Variants in PSCA observed in about 807,000 individuals in gnomAD.
PSCA encodes the protein prostate stem cell antigen.
In PSCA, 7 loss-of-function variants were observed where a neutral mutation model predicts 7.9. That is an observed-to-expected ratio of 0.89 (90% CI 0.51 to 1.67). The LOEUF is 1.67. PSCA is among the 40% of genes most tolerant of loss of function. The pLI, the probability that PSCA is intolerant of heterozygous loss-of-function variation, is 0.00. For synonymous variants in PSCA, 61 were observed against 68.3 expected (o/e 0.89, Z 0.53); for missense variants, 151 against 147.9 (o/e 1.02, Z -0.11).
chr8:142,671,176 G>A (rs967888925), intron 1 of PSCA, among the ~76,000 whole-genome samples: 5 of 152,196 alleles, frequency 3.3e-5, no homozygotes, highest in African/African-American at 9.7e-5. Flanking sequence ...AGGAGGGCAG[G>A]TGCCATATCA....
At position 142,680,560 on chromosome 8, in the gene PSCA, C is replaced by T. The variant is rs1554638200; in HGVS notation, c.22C>T (p.Pro8Ser). Residue 8 changes from proline (P) to serine (S), a missense_variant, in exon 1 of 3, where the codon CCA becomes TCA. Pro to Ser is a moderately conservative substitution (Grantham distance 74, BLOSUM62 -1). Transcript: ENST00000301258. MAGLALQ[P>S]GTALLCYSCK... ...GTTGATGGCAGGCTTGGCCCTGCAG[C>T]CAGGTGAGGCCTTGGCTGGCCCCCA... is the stretch of plus-strand genomic sequence containing the variant. 33 of 1,553,952 alleles carry T rather than the reference C, an allele frequency of 2.1e-5. No homozygotes were observed. Among genetic ancestry groups the T allele is most frequent in the Non-Finnish European group, 2.8e-5 (32 of 1,148,346 alleles).
intron 1 of PSCA, chr8:142,680,982 A>C (rs1847456212): frequency 4.5e-6 from 2 of 447,194 alleles, no homozygotes; most frequent in East Asian, 3.9e-5. Context: ...GGGGGTCTAC[A>C]TCCGGCCCAG....
At chr8:142,676,708 G>C (rs971505914), upstream of PSCA, 6 of 152,252 alleles carry the variant, frequency 3.9e-5, no homozygotes, top group Non-Finnish European at 2.9e-5. Context: ...ATCACCCAGG[G>C]GGTTCATTTT....
At chr8:142,676,986 G>A (rs1270390624), upstream of PSCA, among the ~76,000 whole-genome samples, 3 of 152,230 alleles carry the variant, frequency 2.0e-5, no homozygotes, top group Non-Finnish European at 2.9e-5. Flanking sequence ...AATGACAGGG[G>A]ACAGGGATTC....
At chr8:142,681,034 G>A in intron 1 of PSCA, 1 of 480,696 alleles carries the variant, frequency 2.1e-6, no homozygotes, top group Non-Finnish European at 3.8e-6. Flanking sequence ...GAGCTGCTCT[G>A]CTTGAGGTGG....
intron 1 of PSCA, 99 bp downstream of exon 1, chr8:142,680,662 G>A (rs782067665): frequency 2.3e-5 from 33 of 1,408,934 alleles, no homozygotes; most frequent in South Asian, 7.4e-5. Flanking sequence ...GGGAAGGAAG[G>A]AGGAAGGGAG....
intron 1 of PSCA, among the ~76,000 whole-genome samples, chr8:142,672,760 C>T (rs587739513): frequency 6.6e-6 from 1 of 152,280 alleles, no homozygotes; most frequent in South Asian, 2.1e-4. Flanking sequence ...TCGAAAGAGG[C>T]GTCCAAAAGA....
At position 142,681,388 on chromosome 8, in the gene PSCA, G is replaced by A. The variant is rs782327938; in HGVS notation, c.87G>A (p.Val29=). The change falls in exon 2 of 3, where the codon GTG becomes GTA. Residue 29 remains valine (V), a synonymous_variant. Coordinates refer to ENST00000301258, the MANE Select transcript of PSCA (RefSeq NM_005672.5). ...AQVSNEDCLQ[V]ENCTQLGEQC... ...TGAGCAACGAGGACTGCCTGCAGGT[G>A]GAGAACTGCACCCAGCTGGGGGAGC... 1.9e-6 allele frequency: 3 copies of A among 1,593,108 alleles called. No individual in the cohort carries two copies. The highest frequency in any genetic ancestry group is 2.6e-6 in the Non-Finnish European group (3 of 1,170,080).
intron 1 of PSCA, 189 bp from the exon 2 acceptor site, chr8:142,681,138 C>G: frequency 1.7e-6 from 1 of 574,466 alleles, no homozygotes; most frequent in South Asian, 2.1e-5. Context: ...CACCGAGGGA[C>G]TAAACAGGGC....
intron 1 of PSCA, among the ~76,000 whole-genome samples, chr8:142,671,990 T>C (rs1464522282): frequency 6.6e-6 from 1 of 152,168 alleles, no homozygotes; most frequent in Admixed American, 6.5e-5. Context: ...TCCTCCAGTG[T>C]CATGCCGTTA....
In PSCA at chr8:142,681,908, C is replaced by T. The variant is rs587631289; in HGVS notation, c.134-13C>T. ...ACAGGGCAGCCCCATCCCCGGATCC[C>T]GCTGCTCCCCAGGCGCAGTTGGCCT... On this transcript the variant is annotated splice_polypyrimidine_tract_variant and intron_variant, in intron 2 of 2. Transcript: ENST00000301258. 9.3e-6 allele frequency: 14 copies of T among 1,513,312 alleles called. 1 individual carries two copies. In the East Asian group the frequency reaches 9.8e-5, roughly 11 times the overall value. The allele number at this position is 1,513,312 out of a possible 1,614,324, so 93.7% of individuals were successfully genotyped here.
chr8:142,675,577 G>A (rs1413809031), upstream of PSCA, among the ~76,000 whole-genome samples: 2 of 152,186 alleles, frequency 1.3e-5, no homozygotes, highest in Non-Finnish European at 2.9e-5. Context: ...CACAACCGGT[G>A]CACACACCCA....
At chr8:142,680,984 C>G in intron 1 of PSCA, 1 of 447,404 alleles carries the variant, frequency 2.2e-6, no homozygotes, top group African/African-American at 1.9e-5. Flanking sequence ...GGGTCTACAT[C>G]CGGCCCAGTC....
At chr8:142,674,774 C>G (rs1847378411) in intron 1 of PSCA, among the ~76,000 whole-genome samples, 1 of 152,218 alleles carries the variant, frequency 6.6e-6, no homozygotes, top group African/African-American at 2.4e-5. Flanking sequence ...AGCCTCCAGA[C>G]CATGCCTGGG....
upstream of PSCA, chr8:142,676,710 GTTCATTT>G (rs1847404997): frequency 6.6e-6 from 1 of 152,246 alleles, no homozygotes; most frequent in Admixed American, 6.5e-5. Flanking sequence ...CACCCAGGGG[GTTCATTT>G]TGACCCCTGG....
chr8:142,680,110 A>G (rs1847444332), upstream of PSCA: 2 of 191,608 alleles, frequency 1.0e-5, no homozygotes, highest in South Asian at 1.4e-4. Flanking sequence ...AGAGGGCGGC[A>G]CAGCTTCTAT....
chr8:142,681,630 TC>T (rs1247563992), intron 2 of PSCA, 196 bp downstream of exon 2: 3 of 623,148 alleles, frequency 4.8e-6, no homozygotes, highest in African/African-American at 1.8e-5. Flanking sequence ...CACTCATCTG[TC>T]CCTCCCCATC....
At chr8:142,676,792 G>A (rs1847405610), upstream of PSCA, 1 of 152,258 alleles carries the variant, frequency 6.6e-6, no homozygotes. Flanking sequence ...TTCACACAGA[G>A]CCAGCTGACC....
Position 142,673,790 on chromosome 8 carries a change from C to T in PSCA, n.261+3222C>T, listed in dbSNP as rs116106674. On this transcript the variant is annotated intron_variant and non_coding_transcript_variant, in intron 1 of 1. Coordinates refer to the PSCA transcript ENST00000505305. The surrounding 1 kb of genome is among the most constrained non-coding windows in gnomAD (Gnocchi z 4.6). ...CTAGAGCCATCCATCAGTCATTAGA[C>T]GTGCAAAAACCTGAAACGACATCTC... Among the ~76,000 whole-genome samples, 380 of 152,304 alleles carry T rather than the reference C, an allele frequency of 2.5e-3. No homozygotes were observed. Among genetic ancestry groups the T allele is most frequent in the African/African-American group, 7.0e-3 (292 of 41,568 alleles).
Sources: allele counts gnomAD v4.1 joint callset (sites outside exome capture counted in the v4.1 genomes callset), GRCh38; gene constraint gnomAD v4.1.1; non-coding constraint Gnocchi (gnomAD v3.1); transcripts MANE v1.5; gene names NCBI Gene and HGNC (gene_info 2026-07-23, HGNC 2026-07-21).